The following TENT5C variants were observed in gnomAD, a reference collection of about 807,000 sequenced individuals.
The protein encoded by TENT5C is family with sequence similarity 46 member C.
In TENT5C, 5 loss-of-function variants were observed where a neutral mutation model predicts 22.2. The ratio of observed to expected loss-of-function variants is 0.22; its 90% CI spans 0.12 to 0.47. The LOEUF is 0.47. Ranked by LOEUF, TENT5C falls within the 20% of genes least tolerant of loss-of-function variation. TENT5C has a pLI of 0.99. For missense variants in TENT5C, 364 were observed against 500.9 expected (o/e 0.73, Z 2.61); for synonymous variants, 199 against 195.4 (o/e 1.02, Z -0.15).
intron 1 of TENT5C, among the ~76,000 whole-genome samples, chr1:117,608,763 C>CT (rs5777320): frequency 0.053 from 7,301 of 138,696 alleles, 255 homozygotes; most frequent in East Asian, 0.14. Flanking sequence ...TGAGTTGAAC[C>CT]TTTTTTTTTT....
chr1:117,606,491 C>T (rs989740131), intron 1 of TENT5C, among the ~76,000 whole-genome samples: 1 of 152,198 alleles, frequency 6.6e-6, no homozygotes, highest in Non-Finnish European at 1.5e-5. Context: ...GCGCGCTGGC[C>T]AGGCGCGGGC....
chr1:117,613,153 A>G (rs1297519826), intron 1 of TENT5C, among the ~76,000 whole-genome samples: 2 of 152,228 alleles, frequency 1.3e-5, no homozygotes, highest in Admixed American at 1.3e-4. Context: ...GAAGCAGTTG[A>G]TGGTGGGAAG....
At chr1:117,610,631 G>A (rs1322432381) in intron 1 of TENT5C, among the ~76,000 whole-genome samples, 2 of 152,148 alleles carry the variant, frequency 1.3e-5, no homozygotes, top group African/African-American at 2.4e-5. Context: ...GGGTTCAAGC[G>A]ATCCTCCTAC....
intron 1 of TENT5C, among the ~76,000 whole-genome samples, chr1:117,622,200 A>G (rs1182331538): frequency 1.3e-5 from 2 of 152,222 alleles, no homozygotes; most frequent in Admixed American, 6.5e-5. Flanking sequence ...TGAAAGGAAC[A>G]TGGGAATTTT....
At chr1:117,620,203 C>T (rs879692265) in intron 1 of TENT5C, among the ~76,000 whole-genome samples, 2 of 152,206 alleles carry the variant, frequency 1.3e-5, no homozygotes, top group Non-Finnish European at 2.9e-5. Context: ...TGACTTTAAT[C>T]CTACATGACG....
chr1:117,618,492 C>T (rs1653832120), intron 1 of TENT5C, among the ~76,000 whole-genome samples: 1 of 151,914 alleles, frequency 6.6e-6, no homozygotes, highest in African/African-American at 2.4e-5. Context: ...CTCTGTTCAT[C>T]CCCTTATCTG....
At chr1:117,608,711 G>GT in intron 1 of TENT5C, among the ~76,000 whole-genome samples, 1 of 149,956 alleles carries the variant, frequency 6.7e-6, no homozygotes, top group East Asian at 2.0e-4. Flanking sequence ...TGTTCATGGA[G>GT]TTACCTACTA....
intron 1 of TENT5C, among the ~76,000 whole-genome samples, chr1:117,619,584 T>C (rs1302543764): frequency 3.3e-5 from 5 of 152,160 alleles, no homozygotes; most frequent in African/African-American, 1.2e-4. Context: ...TTTATGTGAC[T>C]TATTTAAAAA....
chr1:117,617,569 T>C (rs1241647420), intron 1 of TENT5C, among the ~76,000 whole-genome samples: 1 of 152,214 alleles, frequency 6.6e-6, no homozygotes, highest in Non-Finnish European at 1.5e-5. Flanking sequence ...TGTATAAATA[T>C]AATGAATCTG....
At chr1:117,613,988 G>A (rs1013674831) in intron 1 of TENT5C, among the ~76,000 whole-genome samples, 18 of 152,198 alleles carry the variant, frequency 1.2e-4, no homozygotes, top group African/African-American at 3.6e-4. Context: ...CTTTTAAAAA[G>A]TAAAGCATTA....
At chr1:117,617,283 A>G (rs1428421147) in intron 1 of TENT5C, among the ~76,000 whole-genome samples, 1 of 152,096 alleles carries the variant, frequency 6.6e-6, no homozygotes. Flanking sequence ...GGCAGTGGGA[A>G]ATGATTAGAT....
chr1:117,614,420 C>T (rs1317336824), intron 1 of TENT5C, among the ~76,000 whole-genome samples: 1 of 152,218 alleles, frequency 6.6e-6, no homozygotes, highest in Non-Finnish European at 1.5e-5. Context: ...GGTCAAACTA[C>T]ATGCAGGTGG....
intron 1 of TENT5C, among the ~76,000 whole-genome samples, chr1:117,610,342 C>A (rs12025288): frequency 5.9e-5 from 9 of 152,248 alleles, no homozygotes; most frequent in African/African-American, 1.2e-4. Context: ...CCCTCCACCC[C>A]CCATGGCAGA....
chr1:117,624,180 T>TC lies in TENT5C; in HGVS notation c.*138dup. On this transcript the variant is annotated 3_prime_UTR_variant, in exon 2 of 2. Coordinates refer to ENST00000369448, the MANE Select transcript of TENT5C (RefSeq NM_017709.4). ...CTGATTCTGCTTTTTTTTTTTTTTT[T>TC]CCTTTGTGTACCCATTGGAATGGGT... The TC allele has an allele frequency of 3.9e-6, 3 of 763,144 alleles. No individual in the cohort carries two copies. The South Asian group carries it at 5.8e-5, about 15-fold the overall frequency. The allele number at this position is 763,144 out of a possible 1,614,324, so 47.3% of individuals were successfully genotyped here.
intron 1 of TENT5C, among the ~76,000 whole-genome samples, chr1:117,622,013 G>A (rs1653903648): frequency 1.3e-5 from 2 of 152,178 alleles, no homozygotes; most frequent in Non-Finnish European, 2.9e-5. Context: ...TACACTTGAA[G>A]GCGCACACTG....
chr1:117,623,035 G>T lies in TENT5C; in HGVS notation c.167G>T (p.Arg56Leu), dbSNP rs565811357. The T allele has an allele frequency of 6.2e-7, 1 of 1,614,186 alleles. No individual in the cohort carries two copies. Among genetic ancestry groups the T allele is most frequent in the African/African-American group, 1.3e-5 (1 of 75,050 alleles). ...ITLKDIVQTVRSRLEEAGIKV... is the reference protein window; with the variant it reads ...ITLKDIVQTVLSRLEEAGIKV... ...CTGAAGGACATCGTCCAGACCGTCC[G>T]CAGTCGGCTGGAGGAGGCAGGCATC... Residue 56 changes from arginine (R) to leucine (L), a missense_variant, in exon 2 of 2, where the codon CGC (arginine) becomes CTC (leucine). Around this residue, in one of 3 missense-constraint regions of TENT5C, gnomAD observed 303 missense variants for 394.5 expected, o/e 0.77. Transcript: ENST00000369448.
rs1477835074 is a variant in TENT5C, at chr1:117,625,986, G to A, written c.*1942G>A. The A allele has an allele frequency of 8.1e-6, 2 of 247,114 alleles. No homozygotes were observed. Among genetic ancestry groups the A allele is most frequent in the African/African-American group, 4.4e-5 (2 of 45,268 alleles). 15.3% of individuals were successfully genotyped at this position (247,114 alleles called of 1,614,324 possible). Reference sequence around the variant, plus strand: ...CCCAGTGTGCTTCAGTGTTAAGAGTGGGGCAATGAAGAGTGAACCCCAATG... The same window carrying A: ...CCCAGTGTGCTTCAGTGTTAAGAGTAGGGCAATGAAGAGTGAACCCCAATG... On this transcript the variant is annotated 3_prime_UTR_variant, in exon 2 of 2. Transcript: ENST00000369448.
At chr1:117,614,456 G>A (rs1036827147) in intron 1 of TENT5C, among the ~76,000 whole-genome samples, 1 of 152,168 alleles carries the variant, frequency 6.6e-6, no homozygotes, top group Non-Finnish European at 1.5e-5. Flanking sequence ...CCAGTCTCAG[G>A]TTCAGCATTC....
In TENT5C at chr1:117,623,982, T is replaced by C. The variant is rs754709388; in HGVS notation, c.1114T>C (p.Tyr372His). Residue 372 changes from tyrosine to histidine, a missense_variant, in exon 2 of 2, where the codon TAC (tyrosine) becomes CAC (histidine). Physicochemically the swap from Tyr to His is moderately conservative, Grantham distance 83. Coordinates refer to ENST00000369448, the MANE Select transcript of TENT5C (RefSeq NM_017709.4). ...YVSDGNFSNY[Y>H]VAHPPVTYSQ... is the part of the protein sequence containing the mutation. ...CAGTGATGGCAACTTCAGCAACTAC[T>C]ACGTTGCCCATCCTCCAGTCACCTA... The C allele has an allele frequency of 2.5e-6, 4 of 1,613,990 alleles. No homozygotes were observed. The highest frequency in any genetic ancestry group is 3.4e-6 in the Non-Finnish European group (4 of 1,179,982).
Sources: allele counts gnomAD v4.1 joint callset (sites outside exome capture counted in the v4.1 genomes callset), GRCh38; gene constraint gnomAD v4.1.1; regional missense constraint gnomAD v4.1.1; transcripts MANE v1.5; gene names NCBI Gene and HGNC (gene_info 2026-07-23, HGNC 2026-07-21).